CTSO: variants seen among roughly 807,000 people sequenced by gnomAD.
The protein encoded by CTSO is cathepsin O.
CTSO carries 40 observed loss-of-function variants against 42.4 expected under a neutral mutation model. The observed-to-expected ratio is 0.94, with a 90% CI of 0.73 to 1.23. The LOEUF (loss-of-function observed/expected upper bound fraction) is 1.23. Ranked by LOEUF, CTSO falls within the 50% of genes most tolerant of loss-of-function variation. CTSO has a pLI of 0.00. For missense variants in CTSO, 441 were observed against 396.0 expected (o/e 1.11, Z -0.96); for synonymous variants, 156 against 146.2 (o/e 1.07, Z -0.48).
Position 155,943,233 on chromosome 4 carries a change from G to T in CTSO, c.167C>A (p.Ser56Tyr), listed in dbSNP as rs769738268. The T allele has an allele frequency of 1.2e-5, 20 of 1,610,640 alleles. No homozygotes were observed. In the South Asian group the frequency reaches 2.1e-4, roughly 17 times the overall value. The change falls in exon 2 of 8, where the codon TCT (serine) becomes TAT (tyrosine). Residue 56 changes from serine to tyrosine, a missense_variant. Ser to Tyr is a moderately radical substitution (Grantham distance 144). Transcript: ENST00000433477. ...ESLNRHRYLN[S>Y]LFPSENSTAF... ...GGTGGAGTTTTCACTGGGAAATAAA[G>T]AATTCAAGTATCGATGTCTATTAAG...
Position 155,939,367 on chromosome 4 carries a change from T to A in CTSO, c.552+4A>T, listed in dbSNP as rs1243910948. ...AGAGTTTAAGAGGTTGAGAGACTAG[T>A]CACCTTGTTTAACCAGTTCAAAGCA... On this transcript the variant is annotated splice_donor_region_variant and intron_variant, in intron 4 of 7. Transcript: ENST00000433477. 1 of 1,596,248 alleles carries A rather than the reference T, an allele frequency of 6.3e-7. No individual in the cohort carries two copies. The highest frequency in any genetic ancestry group is 2.2e-5 in the East Asian group (1 of 44,696).
chr4:155,931,210 A>T (rs1374920607), intron 5 of CTSO, among the ~76,000 whole-genome samples: 1 of 152,172 alleles, frequency 6.6e-6, no homozygotes, highest in Non-Finnish European at 1.5e-5. Context: ...ATCTTATTGT[A>T]TCAAAATTCT....
At chr4:155,944,281 A>AT (rs1016872359) in intron 1 of CTSO, among the ~76,000 whole-genome samples, 4 of 152,058 alleles carry the variant, frequency 2.6e-5, no homozygotes, top group East Asian at 1.9e-4. Flanking sequence ...TCATAATCTT[A>AT]TTTTTTTTCC....
intron 5 of CTSO, among the ~76,000 whole-genome samples, chr4:155,933,641 T>C (rs1743274417): frequency 6.6e-6 from 1 of 152,104 alleles, no homozygotes; most frequent in Non-Finnish European, 1.5e-5. Context: ...GAACAATAAT[T>C]AGGTCCAGGC....
chr4:155,935,680 T>C (rs1701926844), intron 5 of CTSO, among the ~76,000 whole-genome samples: 1 of 152,172 alleles, frequency 6.6e-6, no homozygotes, highest in Admixed American at 6.5e-5. Context: ...TGTATTTTTA[T>C]TTTTTGTGAC....
intron 1 of CTSO, among the ~76,000 whole-genome samples, chr4:155,945,129 C>G (rs1231143852): frequency 6.6e-6 from 1 of 151,674 alleles, no homozygotes; most frequent in Non-Finnish European, 1.5e-5. Flanking sequence ...TGGTGGTGGG[C>G]GCCTATAATC....
intron 1 of CTSO, among the ~76,000 whole-genome samples, chr4:155,947,664 C>A (rs1239248855): frequency 1.3e-5 from 2 of 152,146 alleles, no homozygotes; most frequent in African/African-American, 4.8e-5. Context: ...ATTATCAATT[C>A]TTTTAAGTGA....
intron 1 of CTSO, among the ~76,000 whole-genome samples, chr4:155,944,695 G>C (rs892358256): frequency 2.0e-5 from 3 of 152,064 alleles, no homozygotes; most frequent in African/African-American, 7.2e-5. Context: ...CAGTTCTTAC[G>C]GGCTGCACCT....
intron 5 of CTSO, among the ~76,000 whole-genome samples, chr4:155,929,923 A>T (rs1326348727): frequency 6.6e-6 from 1 of 152,162 alleles, no homozygotes; most frequent in Non-Finnish European, 1.5e-5. Context: ...CCTGCTATTC[A>T]AAGGTTTCCA....
intron 1 of CTSO, among the ~76,000 whole-genome samples, chr4:155,946,650 T>C (rs562896756): frequency 5.3e-5 from 8 of 152,234 alleles, no homozygotes; most frequent in African/African-American, 1.9e-4. Context: ...ACTCCTGTCA[T>C]TTCACAGCTC....
At position 155,948,056 on chromosome 4, in the gene CTSO, T is replaced by C. The variant is rs1743579144; in HGVS notation, c.136-4792A>G. On this transcript the variant is annotated intron_variant, in intron 1 of 7. Coordinates refer to ENST00000433477, the MANE Select transcript of CTSO (RefSeq NM_001334.3). ...GTGAACAGATTTGGTGAAAAATAAC[T>C]ACCTTCACCTTTTTTTTGTTGTTGT... Among the ~76,000 whole-genome samples the C allele has an allele frequency of 6.1e-5, 3 of 49,554 alleles. No homozygotes were observed. The South Asian group carries it at 6.4e-3, about 106-fold the overall frequency. The allele number at this position is 49,554 out of a possible 152,430, so 32.5% of individuals were successfully genotyped here.
intron 6 of CTSO, 89 bp downstream of exon 6, chr4:155,929,453 A>G: frequency 8.0e-6 from 11 of 1,372,544 alleles, no homozygotes; most frequent in Non-Finnish European, 1.1e-5. Flanking sequence ...TCATAGCAGA[A>G]CCAAATTTCA....
intron 1 of CTSO, among the ~76,000 whole-genome samples, chr4:155,948,373 TTGTGTGTGTG>T (rs55984712): frequency 6.6e-6 from 1 of 151,064 alleles, no homozygotes; most frequent in African/African-American, 2.4e-5. Context: ...AAAGCTGCCT[TTGTGTGTGTG>T]TGTGTGTGTG....
intron 1 of CTSO, among the ~76,000 whole-genome samples, chr4:155,951,580 T>A (rs1297867381): frequency 6.6e-6 from 1 of 152,226 alleles, no homozygotes; most frequent in Non-Finnish European, 1.5e-5. Flanking sequence ...CTTACAAAAC[T>A]ATCTAAGGCT....
intron 5 of CTSO, 133 bp from the exon 6 acceptor site, chr4:155,929,838 T>A: frequency 1.4e-6 from 1 of 727,608 alleles, no homozygotes; most frequent in Non-Finnish European, 2.1e-6. Context: ...GGAAGCTAAG[T>A]CTGAGAGACT....
intron 5 of CTSO, among the ~76,000 whole-genome samples, chr4:155,931,047 A>G (rs138085761): frequency 6.6e-6 from 1 of 152,182 alleles, no homozygotes; most frequent in Non-Finnish European, 1.5e-5. Flanking sequence ...CAAGGATAAA[A>G]TTATGGCATA....
At position 155,953,749 on chromosome 4, in the gene CTSO, C is replaced by A; in HGVS notation, c.99G>T (p.Trp33Cys). ...CGGCTTCACGCTCGCGGCTCCGCGG[C>A]CAGGTCGGGGTGAAGGGGGCGCGGG... ...ADSRAPFTPTWPRSREREAAA... is the reference protein window; with the variant it reads ...ADSRAPFTPTCPRSREREAAA... Residue 33 changes from tryptophan to cysteine, a missense_variant, in exon 1 of 8, where the codon TGG (tryptophan) becomes TGT (cysteine). By Grantham distance (215) the Trp-to-Cys change is radical. Coordinates refer to ENST00000433477, the MANE Select transcript of CTSO (RefSeq NM_001334.3). 1.6e-6 allele frequency: 2 copies of A among 1,285,620 alleles called. No individual in the cohort carries two copies. The highest frequency in any genetic ancestry group is 9.8e-7 in the Non-Finnish European group (1 of 1,016,466). 79.6% of individuals were successfully genotyped at this position (1,285,620 alleles called of 1,614,324 possible). A position where few individuals can be genotyped will look rare whatever the true frequency, so the allele number is the denominator to read the frequency against.
intron 1 of CTSO, among the ~76,000 whole-genome samples, chr4:155,946,293 T>G (rs2110932705): frequency 6.6e-6 from 1 of 152,332 alleles, no homozygotes; most frequent in Non-Finnish European, 1.5e-5. Context: ...TGTTGCCTTA[T>G]AAGTGTCATT....
rs556026695 is a variant in CTSO, at chr4:155,942,315, A to G, written c.384+2T>C. 2.7e-5 allele frequency: 42 copies of G among 1,560,168 alleles called. No individual in the cohort carries two copies. Among genetic ancestry groups the G allele is most frequent in the Middle Eastern group, 3.4e-4 (2 of 5,904 alleles). On this transcript the variant is annotated splice_donor_variant, in intron 3 of 7. Coordinates refer to ENST00000433477, the MANE Select transcript of CTSO (RefSeq NM_001334.3). LOFTEE classifies it high-confidence loss of function. ...TAGAAAAGAAGAGGGATTTCAACGTACCATCTGCTGGTTTCTCACTTGTGT... is the reference window on the plus strand; with the variant it reads ...TAGAAAAGAAGAGGGATTTCAACGTGCCATCTGCTGGTTTCTCACTTGTGT...
Sources: allele counts gnomAD v4.1 joint callset (sites outside exome capture counted in the v4.1 genomes callset), GRCh38; gene constraint gnomAD v4.1.1; transcripts MANE v1.5; gene names NCBI Gene and HGNC (gene_info 2026-07-23, HGNC 2026-07-21).